ATG5: variants seen among roughly 807,000 people sequenced by gnomAD.
ATG5 encodes the protein autophagy protein 5.
ATG5 carries 14 observed loss-of-function variants against 36.5 expected under a neutral mutation model. The ratio of observed to expected loss-of-function variants is 0.38; its 90% confidence interval spans 0.25 to 0.60. The LOEUF (loss-of-function observed/expected upper bound fraction) is 0.60. Ranked by LOEUF, ATG5 falls within the 20% of genes least tolerant of loss-of-function variation. The pLI is 0.60. For missense variants in ATG5, 195 were observed against 326.7 expected (o/e 0.60, Z 3.11); for synonymous variants, 95 against 101.5 (o/e 0.94, Z 0.38).
At chr6:106,296,801 G>C (rs972179693) in intron 3 of ATG5, among the ~76,000 whole-genome samples, 3 of 152,176 alleles carry the variant, frequency 2.0e-5, no homozygotes, top group Non-Finnish European at 4.4e-5. Flanking sequence ...CTAGGCAACA[G>C]AGGGAGACTT....
At chr6:106,274,568 AAC>A (rs1779572898) in intron 5 of ATG5, among the ~76,000 whole-genome samples, 2 of 152,198 alleles carry the variant, frequency 1.3e-5, no homozygotes, top group Admixed American at 1.3e-4. Flanking sequence ...CAATTGCACT[AAC>A]AGAAAGGTTT....
chr6:106,295,567 T>C (rs1168911166), intron 3 of ATG5, among the ~76,000 whole-genome samples: 1 of 150,520 alleles, frequency 6.6e-6, no homozygotes, highest in African/African-American at 2.4e-5. Flanking sequence ...TCAAGTAATT[T>C]TTTTTTTTTT....
intron 6 of ATG5, among the ~76,000 whole-genome samples, chr6:106,233,741 G>A (rs1777778927): frequency 6.6e-6 from 1 of 152,116 alleles, no homozygotes; most frequent in Admixed American, 6.5e-5. Context: ...ACAACCGTGA[G>A]GAAAGTAACT....
chr6:106,188,225 T>C (rs1310567705), intron 7 of ATG5, among the ~76,000 whole-genome samples: 4 of 152,226 alleles, frequency 2.6e-5, no homozygotes, highest in South Asian at 2.1e-4. Flanking sequence ...GAATGATTCA[T>C]TGCTTATAAG....
chr6:106,252,764 C>T (rs938910802), intron 5 of ATG5, among the ~76,000 whole-genome samples: 1 of 152,182 alleles, frequency 6.6e-6, no homozygotes, highest in East Asian at 1.9e-4. Context: ...TGCAGGAAAC[C>T]GATGAAATGG....
chr6:106,212,716 C>T (rs1776905150), intron 6 of ATG5, among the ~76,000 whole-genome samples: 2 of 152,210 alleles, frequency 1.3e-5, no homozygotes, highest in Admixed American at 6.5e-5. Context: ...TATATTTTCA[C>T]TTGACACACA....
chr6:106,312,623 TACACACACACACACACACAC>T (rs144983689), intron 2 of ATG5, among the ~76,000 whole-genome samples: 6 of 144,518 alleles, frequency 4.2e-5, no homozygotes, highest in East Asian at 4.1e-4. Context: ...CAAAAAAGAC[TACACACACACACACACACAC>T]ACACACACAC....
intron 4 of ATG5, among the ~76,000 whole-genome samples, chr6:106,280,630 GA>G (rs1197605821): frequency 6.6e-6 from 1 of 151,930 alleles, no homozygotes; most frequent in Non-Finnish European, 1.5e-5. Context: ...ACTTTTCACT[GA>G]AAAAAAGATA....
chr6:106,235,191 G>A (rs1777847534), intron 6 of ATG5, among the ~76,000 whole-genome samples: 2 of 152,082 alleles, frequency 1.3e-5, no homozygotes, highest in South Asian at 4.2e-4. Context: ...CTCCTCTTTG[G>A]ACCCTGTATC....
At chr6:106,243,442 C>G (rs563830505) in intron 6 of ATG5, among the ~76,000 whole-genome samples, 1 of 151,056 alleles carries the variant, frequency 6.6e-6, no homozygotes, top group African/African-American at 2.4e-5. Context: ...GTGGGTGGAT[C>G]GCTTGAGCCG....
chr6:106,317,085 A>G (rs956767557), intron 1 of ATG5, among the ~76,000 whole-genome samples: 5 of 152,214 alleles, frequency 3.3e-5, no homozygotes, highest in Non-Finnish European at 5.9e-5. Context: ...TAGGTATGGC[A>G]TAAGGACATG....
chr6:106,290,849 A>G (rs1780275897), intron 4 of ATG5, among the ~76,000 whole-genome samples: 1 of 152,166 alleles, frequency 6.6e-6, no homozygotes, highest in Non-Finnish European at 1.5e-5. Flanking sequence ...ATAACCACCG[A>G]TCTCATCAGA....
intron 5 of ATG5, among the ~76,000 whole-genome samples, chr6:106,251,649 GAGGGAGGGAGGA>G (rs1778582929): frequency 1.4e-5 from 1 of 70,630 alleles, no homozygotes; most frequent in Admixed American, 1.3e-4. Flanking sequence ...GAGAGAGAGG[GAGGGAGGGAGGA>G]AGGGAGGGGG....
chr6:106,198,029 T>C (rs1776271686), intron 7 of ATG5, among the ~76,000 whole-genome samples: 1 of 152,094 alleles, frequency 6.6e-6, no homozygotes, highest in Non-Finnish European at 1.5e-5. Context: ...ACACTTCAAA[T>C]GAAAATAACT....
chr6:106,189,475 G>A (rs1775891083), intron 7 of ATG5, among the ~76,000 whole-genome samples: 2 of 151,930 alleles, frequency 1.3e-5, no homozygotes, highest in South Asian at 2.1e-4. Context: ...ATTAGCTTTA[G>A]CTGGGCGTGG....
intron 6 of ATG5, among the ~76,000 whole-genome samples, chr6:106,232,838 C>G (rs1301278801): frequency 1.3e-5 from 2 of 152,120 alleles, no homozygotes; most frequent in African/African-American, 4.8e-5. Context: ...GTTTACAGAC[C>G]TGGACCTTAA....
chr6:106,288,962 A>G (rs769059924), intron 4 of ATG5, among the ~76,000 whole-genome samples: 4 of 152,168 alleles, frequency 2.6e-5, no homozygotes, highest in Admixed American at 6.5e-5. Flanking sequence ...CAGAGGCAAC[A>G]GGATCTCTTA....
At chr6:106,197,305 T>C (rs1343719407) in intron 7 of ATG5, among the ~76,000 whole-genome samples, 7 of 152,132 alleles carry the variant, frequency 4.6e-5, no homozygotes, top group Admixed American at 3.9e-4. Context: ...GAGTATCACT[T>C]GAGTGAGAAA....
chr6:106,246,092 T>A (rs1778318434), intron 6 of ATG5, among the ~76,000 whole-genome samples: 1 of 152,166 alleles, frequency 6.6e-6, no homozygotes, highest in Admixed American at 6.5e-5. Flanking sequence ...TCTAAAACTT[T>A]AATTAAATTC....
Sources: allele counts gnomAD v4.1 joint callset (sites outside exome capture counted in the v4.1 genomes callset), GRCh38; gene constraint gnomAD v4.1.1; transcripts MANE v1.5; gene names NCBI Gene and HGNC (gene_info 2026-07-23, HGNC 2026-07-21).